The following GRIA1 variants were observed in gnomAD, a reference collection of about 807,000 sequenced individuals.
GRIA1 encodes the protein glutamate ionotropic receptor AMPA type subunit 1.
GRIA1 carries 31 observed loss-of-function variants against 99.2 expected under a neutral mutation model. The observed-to-expected ratio is 0.31, with a 90% CI of 0.23 to 0.42. GRIA1 has a LOEUF of 0.42. Among genes scored for constraint, GRIA1 ranks in the 10% least tolerant of loss-of-function variants. The pLI is 1.00. For synonymous variants in GRIA1, 438 were observed against 432.4 expected (o/e 1.01, Z -0.16); for missense variants, 782 against 1,157.5 (o/e 0.68, Z 4.71).
At chr5:153,770,953 G>C (rs1390142586) in intron 13 of GRIA1, among the ~76,000 whole-genome samples, 1 of 152,190 alleles carries the variant, frequency 6.6e-6, no homozygotes, top group Non-Finnish European at 1.5e-5. Flanking sequence ...CTTACCTAGA[G>C]ACTGATTTAT....
At chr5:153,548,686 C>A (rs1759834636) in intron 2 of GRIA1, among the ~76,000 whole-genome samples, 1 of 152,086 alleles carries the variant, frequency 6.6e-6, no homozygotes, top group Non-Finnish European at 1.5e-5. Context: ...ACATGTTTAT[C>A]ATGGGAAACT....
intron 14 of GRIA1, among the ~76,000 whole-genome samples, chr5:153,797,883 A>G (rs1016995832): frequency 6.6e-6 from 1 of 152,210 alleles, no homozygotes; most frequent in African/African-American, 2.4e-5. Context: ...TAGATTGGAA[A>G]TGGAAGAGCA....
At position 153,611,974 on chromosome 5, in the gene GRIA1, C is replaced by A. The variant is rs574277302; in HGVS notation, c.221-34954C>A. 1.3e-4 allele frequency among the ~76,000 whole-genome samples: 20 copies of A among 152,274 alleles called. No homozygotes were observed. In the South Asian group the frequency reaches 3.7e-3, roughly 28 times the overall value. ...ATCATGACTCTGTTTTTTAATTTAT[C>A]GTGTGACCTTGGTCAAGTCATTCTC... is the stretch of plus-strand genomic sequence containing the variant. On this transcript the variant is annotated intron_variant, in intron 2 of 15. Coordinates refer to ENST00000285900, the MANE Select transcript of GRIA1 (RefSeq NM_000827.4).
At chr5:153,544,120 G>C (rs1368715130) in intron 2 of GRIA1, among the ~76,000 whole-genome samples, 1 of 152,150 alleles carries the variant, frequency 6.6e-6, no homozygotes, top group African/African-American at 2.4e-5. Flanking sequence ...GAGTTTAAAA[G>C]TCAAATGAGG....
intron 11 of GRIA1, among the ~76,000 whole-genome samples, chr5:153,737,179 C>G (rs189658506): frequency 8.6e-5 from 13 of 151,442 alleles, no homozygotes; most frequent in Admixed American, 7.9e-4. Context: ...TAATCACTAC[C>G]TTGTTTATCC....
intron 2 of GRIA1, among the ~76,000 whole-genome samples, chr5:153,506,281 A>ATTAGG (rs1755483655): frequency 1.3e-5 from 2 of 149,794 alleles, no homozygotes; most frequent in Admixed American, 6.6e-5. Flanking sequence ...GCTCCAGAAT[A>ATTAGG]CTCAAGAGTT....
Position 153,663,202 on chromosome 5 carries a change from G to GT in GRIA1, c.699+7331dup, listed in dbSNP as rs370540904. Reference sequence around the variant, plus strand: ...GATTTTCTGCCTCCCTCCAAGAAAAGTAAGATTCTGGTCCCATTTTATAAG... The same window carrying GT: ...GATTTTCTGCCTCCCTCCAAGAAAAGTTAAGATTCTGGTCCCATTTTATAAG... On this transcript the variant is annotated intron_variant, in intron 5 of 15. Transcript: ENST00000285900. Among the ~76,000 whole-genome samples the GT allele has an allele frequency of 3.1e-3, 468 of 152,292 alleles. 5 individuals carry two copies. Among genetic ancestry groups the GT allele is most frequent in the African/African-American group, 0.011 (450 of 41,584 alleles).
intron 2 of GRIA1, among the ~76,000 whole-genome samples, 196 bp from the exon 3 acceptor site, chr5:153,646,732 T>C (rs1288670063): frequency 2.0e-5 from 3 of 152,226 alleles, no homozygotes; most frequent in East Asian, 1.9e-4. Flanking sequence ...ATGGGTAGGA[T>C]GGATGGACAG....
At chr5:153,544,090 G>A (rs913981754) in intron 2 of GRIA1, among the ~76,000 whole-genome samples, 1 of 152,156 alleles carries the variant, frequency 6.6e-6, no homozygotes, top group Non-Finnish European at 1.5e-5. Flanking sequence ...TGGGAAAAAA[G>A]TGTTTTATAT....
At position 153,705,691 on chromosome 5, in the gene GRIA1, T is replaced by TTTTTTTTTC. The variant is rs757346467; in HGVS notation, c.1453-4_1453-3insTTTTTTCTT. The TTTTTTTTTC allele has an allele frequency of 1.5e-6, 2 of 1,291,734 alleles. No individual in the cohort carries two copies. The highest frequency in any genetic ancestry group is 3.2e-5 in the African/African-American group (2 of 62,008). 80.0% of individuals were successfully genotyped at this position (1,291,734 alleles called of 1,614,324 possible). On this transcript the variant is annotated splice_polypyrimidine_tract_variant and splice_region_variant and intron_variant, in intron 10 of 15. Transcript: ENST00000285900. Reference sequence around the variant, plus strand: ...TTTTTTTTTTTTTTTTTTTTTTTTTTTTCAGAGAGCAGATGTGGCTGTGGC... The same window carrying TTTTTTTTTC: ...TTTTTTTTTTTTTTTTTTTTTTTTTTTTTTTTTTCTTCAGAGAGCAGATGTGGCTGTGGC...
chr5:153,702,716 G>A (rs1016612947), intron 10 of GRIA1, among the ~76,000 whole-genome samples: 3 of 152,286 alleles, frequency 2.0e-5, no homozygotes, highest in Non-Finnish European at 4.4e-5. Flanking sequence ...AAACTCTGGC[G>A]TGTGTGTCTT....
chr5:153,807,676 G>T (rs972305091), intron 15 of GRIA1, among the ~76,000 whole-genome samples: 1 of 152,096 alleles, frequency 6.6e-6, no homozygotes, highest in Non-Finnish European at 1.5e-5. Flanking sequence ...ATAACATTTC[G>T]GTCTAATTCA....
intron 15 of GRIA1, among the ~76,000 whole-genome samples, chr5:153,803,448 A>G (rs945819906): frequency 9.9e-5 from 15 of 152,228 alleles, no homozygotes; most frequent in African/African-American, 3.6e-4. Flanking sequence ...GGTGCATTCT[A>G]TGATCTCCAG....
intron 11 of GRIA1, among the ~76,000 whole-genome samples, chr5:153,706,648 C>A (rs991487399): frequency 3.9e-5 from 6 of 152,152 alleles, no homozygotes; most frequent in African/African-American, 1.4e-4. Flanking sequence ...CACATGGGCC[C>A]TTTATGCGGC....
At chr5:153,655,751 A>G (rs1754896387) in intron 4 of GRIA1, 68 bp from the exon 5 acceptor site, 4 of 1,331,500 alleles carry the variant, frequency 3.0e-6, no homozygotes, top group Admixed American at 3.4e-5. Context: ...AGCTGCCGTT[A>G]TTACTGTTGT....
intron 2 of GRIA1, among the ~76,000 whole-genome samples, chr5:153,504,452 A>G (rs946844133): frequency 1.3e-5 from 2 of 151,880 alleles, no homozygotes; most frequent in African/African-American, 4.8e-5. Flanking sequence ...TATATATTCT[A>G]TCTATATATA....
chr5:153,743,315 A>G (rs1248939846), intron 11 of GRIA1, among the ~76,000 whole-genome samples: 4 of 152,136 alleles, frequency 2.6e-5, no homozygotes, highest in Admixed American at 6.5e-5. Context: ...CAACACCCAT[A>G]TATTACCTCA....
intron 4 of GRIA1, among the ~76,000 whole-genome samples, chr5:153,654,515 C>T (rs2963945): frequency 0.25 from 38,147 of 151,884 alleles, 5,774 homozygotes; most frequent in Non-Finnish European, 0.34. Flanking sequence ...GAAAAAGTAA[C>T]GAAGAATTAT....
At chr5:153,762,490 C>G (rs1462779194) in intron 11 of GRIA1, among the ~76,000 whole-genome samples, 2 of 152,176 alleles carry the variant, frequency 1.3e-5, no homozygotes, top group African/African-American at 4.8e-5. Flanking sequence ...ACCTGTTGTG[C>G]ACTGGTTCTG....
Sources: allele counts gnomAD v4.1 joint callset (sites outside exome capture counted in the v4.1 genomes callset), GRCh38; gene constraint gnomAD v4.1.1; transcripts MANE v1.5; gene names NCBI Gene and HGNC (gene_info 2026-07-23, HGNC 2026-07-21).